LYST: variants seen among roughly 807,000 people sequenced by gnomAD.
LYST encodes the protein lysosomal-trafficking regulator.
Under a neutral mutation model 413.6 loss-of-function variants are expected in LYST, and 192 were observed. The ratio of observed to expected loss-of-function variants is 0.46; its 90% CI spans 0.41 to 0.52. The LOEUF (loss-of-function observed/expected upper bound fraction) is 0.52. Among genes scored for constraint, LYST ranks in the 20% least tolerant of loss-of-function variants. The pLI, the probability that LYST is intolerant of heterozygous loss-of-function variation, is 0.00. For missense variants in LYST, 3,815 were observed against 4,499.9 expected, an observed-to-expected ratio of 0.85 and a Z score of 4.35; for synonymous variants, 1,525 against 1,567.3, an observed-to-expected ratio of 0.97 and a Z score of 0.64.
intron 42 of LYST, 21 bp from the exon 43 acceptor site, chr1:235,712,218 T>C: frequency 2.0e-6 from 3 of 1,533,096 alleles, no homozygotes; most frequent in Non-Finnish European, 2.7e-6. Context: ...ATACAAATAA[T>C]ACGATTAAGA....
chr1:235,808,756 A>C lies in LYST; in HGVS notation c.2062T>G (p.Trp688Gly), dbSNP rs758612138. Reference sequence around the variant, plus strand: ...TAAGCCTTTAAAGCATCCCATTTCCACAACAAATCTTCAGATCCACTGCTG... The same window carrying C: ...TAAGCCTTTAAAGCATCCCATTTCCCCAACAAATCTTCAGATCCACTGCTG... ...LPSSGSEDLL[W>G]KWDALKAYQN... The change falls in exon 5 of 53, where the codon TGG becomes GGG. Residue 688 changes from tryptophan to glycine, a missense_variant. By Grantham distance (184) the Trp-to-Gly change is radical (BLOSUM62 -2). Around this residue, in one of 4 missense-constraint regions of LYST, gnomAD observed 1,648 missense variants for 1,810.3 expected, o/e 0.91. Coordinates refer to ENST00000389793, the MANE Select transcript of LYST (RefSeq NM_000081.4). The C allele has an allele frequency of 1.5e-5, 24 of 1,614,006 alleles. No individual in the cohort carries two copies. The highest frequency in any genetic ancestry group is 2.0e-5 in the Non-Finnish European group (24 of 1,179,984).
intron 42 of LYST, among the ~76,000 whole-genome samples, chr1:235,714,363 C>T (rs985212214): frequency 2.0e-5 from 3 of 152,136 alleles, no homozygotes; most frequent in African/African-American, 7.2e-5. Context: ...AACAGGCCAA[C>T]AATTTTCAAA....
At chr1:235,720,952 T>G (rs1663307646) in intron 39 of LYST, 47 bp from the exon 40 acceptor site, 3 of 1,587,274 alleles carry the variant, frequency 1.9e-6, no homozygotes, top group African/African-American at 1.3e-5. Context: ...TTTTTAGTCT[T>G]ATTGGCACTT....
Position 235,741,619 on chromosome 1 carries a change from T to C in LYST, c.8161A>G (p.Lys2721Glu), listed in dbSNP as rs762099794. ...CATTGCTGCTTGGAACCACTGGCTTTACTTGAACCCTAAAATCAATCAAGA... is the reference window on the plus strand; with the variant it reads ...CATTGCTGCTTGGAACCACTGGCTTCACTTGAACCCTAAAATCAATCAAGA... ...EGFKVSIGSS[K>E]ASGSKQQWTK... Residue 2721 changes from lysine (K) to glutamate (E), a missense_variant, in exon 31 of 53, where the codon AAA becomes GAA. Physicochemically the swap from Lys to Glu is moderately conservative, Grantham distance 56. Around this residue, in one of 4 missense-constraint regions of LYST, gnomAD observed 771 missense variants for 837.1 expected, o/e 0.92. Coordinates refer to ENST00000389793, the MANE Select transcript of LYST (RefSeq NM_000081.4). 33 of 1,613,058 alleles carry C rather than the reference T, an allele frequency of 2.0e-5. No homozygotes were observed. The highest frequency in any genetic ancestry group is 2.5e-5 in the Non-Finnish European group (29 of 1,179,196).
intron 16 of LYST, among the ~76,000 whole-genome samples, chr1:235,780,069 C>T (rs554218242): frequency 7.2e-5 from 11 of 152,150 alleles, no homozygotes; most frequent in African/African-American, 2.4e-4. Context: ...GCAGAATTAG[C>T]AATACTTTGA....
Position 235,709,086 on chromosome 1 carries a change from C to T in LYST, c.10143+5G>A. The stretch of plus-strand genomic sequence containing the variant: ...AATACAGATTGTTTTAAAAGAGTCA[C>T]TTACAGCAGGATGAAAAACATTGAT... On this transcript the variant is annotated splice_donor_5th_base_variant and intron_variant, in intron 44 of 52. Transcript: ENST00000389793. 6.2e-7 allele frequency: 1 copy of T among 1,612,964 alleles called. No individual in the cohort carries two copies. The highest frequency in any genetic ancestry group is 8.5e-7 in the Non-Finnish European group (1 of 1,178,954).
At chr1:235,837,034 C>T (rs1017147519) in intron 1 of LYST, among the ~76,000 whole-genome samples, 1 of 152,152 alleles carries the variant, frequency 6.6e-6, no homozygotes, top group Non-Finnish European at 1.5e-5. Context: ...CTTTCTGAGA[C>T]GATGAGCCTG....
At chr1:235,795,977 G>C (rs1436841344) in intron 10 of LYST, among the ~76,000 whole-genome samples, 1 of 151,696 alleles carries the variant, frequency 6.6e-6, no homozygotes. Flanking sequence ...AATCAAAAAA[G>C]AGCTCTTAAA....
chr1:235,745,020 G>T (rs1027955197), intron 29 of LYST, among the ~76,000 whole-genome samples: 1 of 151,776 alleles, frequency 6.6e-6, no homozygotes, highest in African/African-American at 2.4e-5. Flanking sequence ...GTCTTCCTCG[G>T]GTTACCTGAA....
chr1:235,786,303 A>C (rs111682199), intron 14 of LYST, among the ~76,000 whole-genome samples: 21 of 152,314 alleles, frequency 1.4e-4, no homozygotes, highest in African/African-American at 5.0e-4. Context: ...TGTAAGTTAA[A>C]GTATAGTAAA....
At chr1:235,750,700 A>G (rs1666403241) in intron 28 of LYST, among the ~76,000 whole-genome samples, 2 of 152,184 alleles carry the variant, frequency 1.3e-5, no homozygotes, top group African/African-American at 4.8e-5. Context: ...ATTTGATGAC[A>G]TTCTTCCTTA....
At chr1:235,824,928 A>G (rs61139665) in intron 3 of LYST, among the ~76,000 whole-genome samples, 9,533 of 152,026 alleles carry the variant, frequency 0.063, 1,007 homozygotes, top group African/African-American at 0.22. Context: ...GCTGAGGCAG[A>G]AGAATCACTT....
chr1:235,788,990 A>T (rs1316941984), intron 12 of LYST, 145 bp from the exon 13 acceptor site: 3 of 751,722 alleles, frequency 4.0e-6, no homozygotes, highest in African/African-American at 3.5e-5. Flanking sequence ...GTTCTAAACA[A>T]CCATATTTTC....
In LYST at chr1:235,787,213, C is replaced by A; in HGVS notation, c.4849G>T (p.Val1617Phe). Residue 1617 changes from valine to phenylalanine, a missense_variant, in exon 14 of 53, where the codon GTC becomes TTC. By Grantham distance (50) the Val-to-Phe change is conservative. Coordinates refer to ENST00000389793, the MANE Select transcript of LYST (RefSeq NM_000081.4). ...RRIHGKISIW[V>F]SGQRKPDVTL... The stretch of plus-strand genomic sequence containing the variant: ...AATGCTTCCTACCTCTGTCCAGAGA[C>A]CCATATGGAGATTTTCCCATGAATC... 6.2e-7 allele frequency: 1 copy of A among 1,613,460 alleles called. No homozygotes were observed. The highest frequency in any genetic ancestry group is 8.5e-7 in the Non-Finnish European group (1 of 1,179,522).
intron 3 of LYST, among the ~76,000 whole-genome samples, chr1:235,816,200 G>A (rs1350012125): frequency 6.9e-6 from 1 of 143,920 alleles, no homozygotes; most frequent in Non-Finnish European, 1.5e-5. Context: ...CCAGCACTTT[G>A]GGAGGCCAAG....
At chr1:235,872,151 CCAGGCATAGTGGCA>C (rs1680952659) in intron 1 of LYST, among the ~76,000 whole-genome samples, 1 of 151,950 alleles carries the variant, frequency 6.6e-6, no homozygotes, top group Non-Finnish European at 1.5e-5. Flanking sequence ...CAAAAACTAG[CCAGGCATAGTGGCA>C]CATGCATGTA....
At chr1:235,688,403 C>A (rs1660376546) in intron 47 of LYST, among the ~76,000 whole-genome samples, 1 of 152,170 alleles carries the variant, frequency 6.6e-6, no homozygotes, top group East Asian at 1.9e-4. Context: ...TGAACTAAAT[C>A]GTCATCTTTT....
rs551728435 is a variant in LYST at position 235,670,665 on chromosome 1, A to C, written c.11039-6044T>G. ...CACAGACCAAGGTAAGAAAAGCCGC[A>C]GGGGCAGTGAAGTACTTCTTTGGTG... On this transcript the variant is annotated intron_variant, in intron 50 of 52. Coordinates refer to ENST00000389793, the MANE Select transcript of LYST (RefSeq NM_000081.4). 2.0e-5 allele frequency among the ~76,000 whole-genome samples: 3 copies of C among 152,334 alleles called. No homozygotes were observed. The South Asian group carries it at 6.2e-4, about 32-fold the overall frequency.
chr1:235,761,906 G>A (rs998282292), intron 22 of LYST, among the ~76,000 whole-genome samples: 1 of 143,070 alleles, frequency 7.0e-6, no homozygotes, highest in Admixed American at 7.5e-5. Flanking sequence ...TAATGATACA[G>A]AAAGATTCTG....
Sources: allele counts gnomAD v4.1 joint callset (sites outside exome capture counted in the v4.1 genomes callset), GRCh38; gene constraint gnomAD v4.1.1; regional missense constraint gnomAD v4.1.1; transcripts MANE v1.5; gene names NCBI Gene and HGNC (gene_info 2026-07-23, HGNC 2026-07-21).